SLC9B2: variants seen among roughly 807,000 people sequenced by gnomAD.
SLC9B2 encodes the protein sodium/hydrogen exchanger 9B2.
In SLC9B2, 39 loss-of-function variants were observed where a neutral mutation model predicts 52.2. That is an observed-to-expected ratio of 0.75 (90% CI 0.58 to 0.98). The LOEUF (loss-of-function observed/expected upper bound fraction) is 0.98, where lower values mean the gene tolerates loss of function less well. Among genes scored for constraint, SLC9B2 ranks in the 50% least tolerant of loss-of-function variants. The probability of loss-of-function intolerance (pLI) is 0.00; values close to 1 mark genes in which losing one functional copy is unlikely to be tolerated. For synonymous variants in SLC9B2, 214 were observed against 227.0 expected (o/e 0.94, Z 0.51); for missense variants, 626 against 637.5 (o/e 0.98, Z 0.19).
chr4:103,037,730 G>C (rs1743297215), intron 9 of SLC9B2, among the ~76,000 whole-genome samples: 3 of 152,088 alleles, frequency 2.0e-5, no homozygotes, highest in Admixed American at 2.0e-4. Context: ...GTTTATATTA[G>C]ATAACATCTA....
At chr4:103,043,556 A>G (rs1302310511) in intron 8 of SLC9B2, 111 bp from the exon 9 acceptor site, 18 of 999,076 alleles carry the variant, frequency 1.8e-5, no homozygotes, top group Non-Finnish European at 2.0e-5. Context: ...AAATGTCTAT[A>G]TAAATAGACA....
chr4:103,033,383 C>T (rs996992975), intron 9 of SLC9B2, among the ~76,000 whole-genome samples: 3 of 152,132 alleles, frequency 2.0e-5, no homozygotes, highest in African/African-American at 7.2e-5. Context: ...AGGATGCCCA[C>T]TTTCACCACT....
At chr4:103,049,102 T>C (rs1744433663) in intron 5 of SLC9B2, 82 bp from the exon 6 acceptor site, 1 of 1,505,020 alleles carries the variant, frequency 6.6e-7, no homozygotes, top group Admixed American at 2.0e-5. Flanking sequence ...CTCTTCAGTA[T>C]ATGGACCACG....
At chr4:103,055,794 T>C (rs1038249475) in intron 4 of SLC9B2, among the ~76,000 whole-genome samples, 7 of 151,138 alleles carry the variant, frequency 4.6e-5, no homozygotes, top group Non-Finnish European at 1.0e-4. Flanking sequence ...AATTTTATAA[T>C]GCAGAATTCT....
At chr4:103,052,888 G>A (rs1744814175) in intron 4 of SLC9B2, among the ~76,000 whole-genome samples, 1 of 152,050 alleles carries the variant, frequency 6.6e-6, no homozygotes, top group African/African-American at 2.4e-5. Context: ...GAACGTGACA[G>A]CAGCTTCCCT....
downstream of SLC9B2, chr4:103,019,634 G>C (rs1209351402): frequency 1.0e-6 from 1 of 985,358 alleles, no homozygotes; most frequent in Non-Finnish European, 1.2e-6. Context: ...TGGCCCGGGA[G>C]CGGCCCAGGA....
At chr4:103,046,713 CTCCACACATCTTTTGTGTG>C (rs1275219544) in intron 7 of SLC9B2, among the ~76,000 whole-genome samples, 162 of 152,138 alleles carry the variant, frequency 1.1e-3, no homozygotes, top group African/African-American at 3.8e-3. Context: ...TGTGTGAAGT[CTCCACACATCTTTTGTGTG>C]AAGTCTCCAC....
At chr4:103,022,100 T>C (rs1444051076), downstream of SLC9B2, among the ~76,000 whole-genome samples, 2 of 152,244 alleles carry the variant, frequency 1.3e-5, no homozygotes, top group African/African-American at 2.4e-5. Context: ...CATTGTCAAT[T>C]TTCCACTAGA....
At chr4:103,069,078 ATATG>A (rs1262607471) in intron 1 of SLC9B2, among the ~76,000 whole-genome samples, 2 of 152,164 alleles carry the variant, frequency 1.3e-5, no homozygotes, top group African/African-American at 4.8e-5. Context: ...ATAATGATAT[ATATG>A]TATGTGTATG....
At chr4:103,057,264 A>ATGTATATATATATATGTATGTG (rs1745217079) in intron 4 of SLC9B2, among the ~76,000 whole-genome samples, 3 of 148,126 alleles carry the variant, frequency 2.0e-5, no homozygotes, top group African/African-American at 7.5e-5. Context: ...ATATATATAT[A>ATGTATATATATATATGTATGTG]TATATATATA....
chr4:103,039,857 A>T (rs1743487883), intron 9 of SLC9B2, among the ~76,000 whole-genome samples: 1 of 152,046 alleles, frequency 6.6e-6, no homozygotes, highest in Non-Finnish European at 1.5e-5. Flanking sequence ...CATGCTGGCC[A>T]GGCTGGTCTC....
At chr4:103,064,258 AT>A (rs934273988) in intron 3 of SLC9B2, among the ~76,000 whole-genome samples, 1 of 152,232 alleles carries the variant, frequency 6.6e-6, no homozygotes, top group African/African-American at 2.4e-5. Context: ...GTGTCCAACA[AT>A]GAATGACTGG....
rs374646926 is a variant in SLC9B2 at position 103,058,959 on chromosome 4, C to T, written c.272-988G>A. ...GTGGGCATCTGTAATCCCAGCTACT[C>T]GGGAAGCTGAGGCAGGAGGATCCCT... On this transcript the variant is annotated intron_variant, in intron 3 of 11. Transcript: ENST00000394785. Among the ~76,000 whole-genome samples, 167 of 151,900 alleles carry T rather than the reference C, an allele frequency of 1.1e-3. 1 individual carries two copies. The highest frequency in any genetic ancestry group is 3.9e-3 in the African/African-American group (160 of 41,416).
chr4:103,044,508 G>T (rs1464123548), intron 8 of SLC9B2, among the ~76,000 whole-genome samples: 2 of 152,146 alleles, frequency 1.3e-5, no homozygotes, highest in African/African-American at 4.8e-5. Context: ...CTCCTGAGTG[G>T]CTGGGACTAC....
At chr4:103,067,232 A>G (rs1746216286) in intron 2 of SLC9B2, among the ~76,000 whole-genome samples, 1 of 152,218 alleles carries the variant, frequency 6.6e-6, no homozygotes, top group African/African-American at 2.4e-5. Context: ...TTGAATTTAA[A>G]CAATAAAAAG....
intron 4 of SLC9B2, among the ~76,000 whole-genome samples, chr4:103,051,725 T>G (rs1744703262): frequency 6.6e-6 from 1 of 152,218 alleles, no homozygotes; most frequent in Admixed American, 6.5e-5. Flanking sequence ...TTCTGTGCCC[T>G]TCCAGAAAGT....
chr4:103,036,414 G>T (rs1011110742), intron 9 of SLC9B2, among the ~76,000 whole-genome samples: 1 of 151,742 alleles, frequency 6.6e-6, no homozygotes, highest in Non-Finnish European at 1.5e-5. Flanking sequence ...AAAATAGTAT[G>T]CTGATTACCT....
At chr4:103,042,829 T>A (rs1743753923) in intron 9 of SLC9B2, among the ~76,000 whole-genome samples, 1 of 151,798 alleles carries the variant, frequency 6.6e-6, no homozygotes, top group Non-Finnish European at 1.5e-5. Context: ...TTAAGACACA[T>A]ATTTTTATAT....
upstream of SLC9B2, chr4:103,076,974 A>AAG (rs1747241718): frequency 1.3e-5 from 2 of 152,262 alleles, no homozygotes; most frequent in African/African-American, 4.8e-5. Flanking sequence ...GGCCGGATAA[A>AAG]AGACTTGTTC....
Sources: gnomAD v4.1 joint callset for allele counts (sites outside exome capture counted in the v4.1 genomes callset) on GRCh38, gnomAD v4.1.1 for gene constraint, MANE v1.5 for transcripts, NCBI Gene and HGNC (gene_info 2026-07-23, HGNC 2026-07-21) for gene names.